Variants in PIK3C3 observed in about 807,000 individuals in gnomAD.
The protein encoded by PIK3C3 is PI3-kinase type 3.
A neutral mutation model predicts 126.1 loss-of-function variants in PIK3C3; 95 were observed. The ratio of observed to expected loss-of-function variants is 0.75; its 90% CI spans 0.64 to 0.89. The LOEUF (loss-of-function observed/expected upper bound fraction) is 0.89, where lower values mean the gene tolerates loss of function less well. Among genes scored for constraint, PIK3C3 ranks in the 40% least tolerant of loss-of-function variants. PIK3C3 has a pLI of 0.00. For missense variants in PIK3C3, 829 were observed against 1,063.2 expected, an observed-to-expected ratio of 0.78 and a Z score of 3.06; for synonymous variants, 374 against 360.0, an observed-to-expected ratio of 1.04 and a Z score of -0.44.
intron 5 of PIK3C3, among the ~76,000 whole-genome samples, chr18:41,989,501 T>C (rs590912): frequency 0.49 from 74,939 of 152,012 alleles, 20,176 homozygotes; most frequent in African/African-American, 0.72. Context: ...TTCAGTCAAC[T>C]GCAGATCACA....
intron 24 of PIK3C3, among the ~76,000 whole-genome samples, chr18:42,068,464 G>A (rs959181282): frequency 7.9e-5 from 12 of 152,118 alleles, no homozygotes; most frequent in Admixed American, 6.5e-4. Flanking sequence ...TGTATCTTCT[G>A]TAAACTTCTA....
At chr18:42,015,328 A>G (rs143187003) in intron 11 of PIK3C3, 148 bp from the exon 12 acceptor site, 260 of 609,288 alleles carry the variant, frequency 4.3e-4, no homozygotes, top group Non-Finnish European at 5.8e-4. Flanking sequence ...TCCAGAGTAC[A>G]ATGTGACTCT....
intron 14 of PIK3C3, 137 bp downstream of exon 14, chr18:42,027,685 T>C: frequency 2.8e-6 from 1 of 362,838 alleles, no homozygotes; most frequent in Non-Finnish European, 4.9e-6. Flanking sequence ...GATGGAGGCT[T>C]GCTCTGTTAC....
At chr18:42,071,167 G>T (rs1437788014) in intron 24 of PIK3C3, among the ~76,000 whole-genome samples, 1 of 152,164 alleles carries the variant, frequency 6.6e-6, no homozygotes, top group Non-Finnish European at 1.5e-5. Flanking sequence ...TATTCTAACA[G>T]TCTAAGGATC....
intron 4 of PIK3C3, among the ~76,000 whole-genome samples, chr18:41,977,393 T>C (rs1980976229): frequency 6.6e-6 from 1 of 152,102 alleles, no homozygotes; most frequent in Non-Finnish European, 1.5e-5. Flanking sequence ...TGTACAAACA[T>C]ATGAGAGAAC....
intron 21 of PIK3C3, chr18:42,050,913 G>A (rs1267880909): frequency 6.6e-6 from 1 of 152,188 alleles, no homozygotes; most frequent in East Asian, 1.9e-4. Flanking sequence ...TTATTAAGTT[G>A]AAGTTCTAAT....
intron 2 of PIK3C3, among the ~76,000 whole-genome samples, chr18:41,958,939 A>G (rs983299826): frequency 1.3e-5 from 2 of 152,162 alleles, no homozygotes; most frequent in African/African-American, 4.8e-5. Context: ...CCTTAACTGT[A>G]AGTATTTCTG....
chr18:42,080,657 C>T (rs1447107399), intron 24 of PIK3C3, among the ~76,000 whole-genome samples: 1 of 152,182 alleles, frequency 6.6e-6, no homozygotes, highest in Non-Finnish European at 1.5e-5. Flanking sequence ...CTAGGCCTCT[C>T]GACTTCTTCC....
chr18:42,052,169 G>A (rs1457829370), intron 21 of PIK3C3, among the ~76,000 whole-genome samples: 1 of 152,040 alleles, frequency 6.6e-6, no homozygotes, highest in Non-Finnish European at 1.5e-5. Flanking sequence ...TTGTGTGTGT[G>A]CGTATGTGTG....
intron 10 of PIK3C3, among the ~76,000 whole-genome samples, chr18:42,009,676 TTACATTATGTAATG>T (rs1316647504): frequency 1.6e-5 from 1 of 62,940 alleles, no homozygotes. Flanking sequence ...TATGTAATGC[TTACATTATGTAATG>T]TACATTATGT....
At chr18:42,002,854 T>C (rs957111161) in intron 9 of PIK3C3, among the ~76,000 whole-genome samples, 6 of 152,182 alleles carry the variant, frequency 3.9e-5, no homozygotes, top group Admixed American at 3.9e-4. Flanking sequence ...AAGACAAATA[T>C]AGGAGATATT....
chr18:42,065,574 G>A (rs938562690), intron 23 of PIK3C3, among the ~76,000 whole-genome samples: 3 of 152,216 alleles, frequency 2.0e-5, no homozygotes, highest in African/African-American at 4.8e-5. Flanking sequence ...TTCACTGCCT[G>A]TGGAGGAACA....
At chr18:42,080,752 G>T (rs1036838542) in intron 24 of PIK3C3, among the ~76,000 whole-genome samples, 2 of 152,098 alleles carry the variant, frequency 1.3e-5, no homozygotes, top group Non-Finnish European at 2.9e-5. Context: ...CTCTCAAAAT[G>T]TGGCACCAAG....
intron 12 of PIK3C3, among the ~76,000 whole-genome samples, chr18:42,016,507 A>G (rs1464700133): frequency 2.6e-5 from 4 of 152,136 alleles, no homozygotes; most frequent in African/African-American, 9.7e-5. Flanking sequence ...TGCAGCAGAA[A>G]ACAAGACAGT....
At chr18:42,056,334 A>G (rs570922890) in intron 21 of PIK3C3, among the ~76,000 whole-genome samples, 3 of 152,120 alleles carry the variant, frequency 2.0e-5, no homozygotes, top group Admixed American at 6.6e-5. Flanking sequence ...GACAAGAAGG[A>G]TAGAAATATA....
At chr18:42,037,596 G>A (rs1984112742) in intron 16 of PIK3C3, 96 bp from the exon 17 acceptor site, 1 of 1,109,636 alleles carries the variant, frequency 9.0e-7, no homozygotes, top group East Asian at 2.4e-5. Flanking sequence ...ATTTACCTGT[G>A]TATTTATCTT....
chr18:41,980,027 ATAATGT>A (rs949241303), intron 4 of PIK3C3, among the ~76,000 whole-genome samples: 6 of 152,098 alleles, frequency 3.9e-5, no homozygotes, highest in African/African-American at 1.4e-4. Context: ...ATTATGTGAA[ATAATGT>A]TGATGAATAA....
intron 13 of PIK3C3, 118 bp downstream of exon 13, chr18:42,020,823 A>G (rs1348509015): frequency 1.6e-6 from 1 of 621,810 alleles, no homozygotes; most frequent in Non-Finnish European, 2.8e-6. Context: ...AAGTCTAGAT[A>G]TAGTATTTAT....
chr18:42,012,558 T>A (rs1184797405), intron 10 of PIK3C3, among the ~76,000 whole-genome samples: 1 of 152,168 alleles, frequency 6.6e-6, no homozygotes, highest in Non-Finnish European at 1.5e-5. Context: ...TCTTCACTTT[T>A]TAGTTATTTT....
Sources: allele counts gnomAD v4.1 joint callset (sites outside exome capture counted in the v4.1 genomes callset), GRCh38; gene constraint gnomAD v4.1.1; transcripts MANE v1.5; gene names NCBI Gene and HGNC (gene_info 2026-07-23, HGNC 2026-07-21).